The following SYCE2 variants were observed in gnomAD, a reference collection of about 807,000 sequenced individuals.
SYCE2 encodes synaptonemal complex central element protein 2, also known as central element synaptonemal complex 1.
In SYCE2, 3 loss-of-function variants were observed where a neutral mutation model predicts 27.9. The observed-to-expected ratio is 0.11, with a 90% CI of 0.05 to 0.28. The LOEUF is 0.28. Among genes scored for constraint, SYCE2 ranks in the 10% least tolerant of loss-of-function variants. The pLI, the probability that SYCE2 is intolerant of heterozygous loss-of-function variation, is 1.00. For missense variants in SYCE2, 207 were observed against 263.5 expected, an observed-to-expected ratio of 0.79 and a Z score of 1.48; for synonymous variants, 85 against 100.7, an observed-to-expected ratio of 0.84 and a Z score of 0.93.
intron 2 of SYCE2, among the ~76,000 whole-genome samples, chr19:12,910,534 G>A (rs1484218251): frequency 3.3e-5 from 5 of 151,154 alleles, no homozygotes; most frequent in African/African-American, 1.2e-4. Flanking sequence ...CACCACGCCC[G>A]GCTAATTTTT....
intron 3 of SYCE2, among the ~76,000 whole-genome samples, chr19:12,904,272 G>A (rs1392205071): frequency 6.6e-6 from 1 of 152,160 alleles, no homozygotes; most frequent in African/African-American, 2.4e-5. Context: ...GATACAGATG[G>A]TCCCAACTTA....
At chr19:12,909,172 C>G (rs1207257017) in intron 2 of SYCE2, among the ~76,000 whole-genome samples, 1 of 152,182 alleles carries the variant, frequency 6.6e-6, no homozygotes, top group Non-Finnish European at 1.5e-5. Context: ...ATCTTCAGTA[C>G]TTACCCCTCA....
chr19:12,912,694 AGCT>A (rs2145978695), intron 2 of SYCE2, among the ~76,000 whole-genome samples: 1 of 151,956 alleles, frequency 6.6e-6, no homozygotes, highest in African/African-American at 2.4e-5. Flanking sequence ...AACCTGCTTG[AGCT>A]GCTAATGGTT....
chr19:12,904,819 G>T, intron 2 of SYCE2, 153 bp from the exon 3 acceptor site: 2 of 813,620 alleles, frequency 2.5e-6, no homozygotes, highest in Non-Finnish European at 3.8e-6. Flanking sequence ...GCAACATGGT[G>T]AAACCTCGTC....
At chr19:12,911,730 A>G (rs1971050157) in intron 2 of SYCE2, among the ~76,000 whole-genome samples, 1 of 141,424 alleles carries the variant, frequency 7.1e-6, no homozygotes, top group South Asian at 2.2e-4. Flanking sequence ...TGATTTTCCC[A>G]TCTCAGCCTC....
intron 2 of SYCE2, 157 bp from the exon 3 acceptor site, chr19:12,904,823 C>T (rs1387061988): frequency 1.3e-6 from 1 of 788,332 alleles, no homozygotes; most frequent in African/African-American, 1.8e-5. Flanking sequence ...CATGGTGAAA[C>T]CTCGTCTCTA....
intron 3 of SYCE2, 53 bp from the exon 4 acceptor site, chr19:12,900,701 A>T: frequency 1.3e-6 from 2 of 1,518,172 alleles, no homozygotes; most frequent in Non-Finnish European, 9.0e-7. Flanking sequence ...GTATCACAAG[A>T]CATCTGTGTT....
Position 12,900,042 on chromosome 19 carries a change from C to G in SYCE2, c.574G>C (p.Asp192His). The G allele has an allele frequency of 6.2e-7, 1 of 1,613,768 alleles. No homozygotes were observed. The highest frequency in any genetic ancestry group is 8.5e-7 in the Non-Finnish European group (1 of 1,179,998). Residue 192 changes from aspartate to histidine, a missense_variant, in exon 5 of 6, where the codon GAC becomes CAC. By Grantham distance (81) the Asp-to-His change is moderately conservative. Coordinates refer to ENST00000293695, the MANE Select transcript of SYCE2 (RefSeq NM_001105578.2). ...TCAGCCACAGAAGAAACGAACACGT[C>G]TGGGGGCTGTGAGTTGCCGGGACGT... ...PPRPGNSQPP[D>H]VFVSSVAETT...
chr19:12,915,160 T>G (rs1971116048), intron 2 of SYCE2, among the ~76,000 whole-genome samples: 2 of 152,230 alleles, frequency 1.3e-5, no homozygotes, highest in Admixed American at 1.3e-4. Context: ...ATTGAAAAGA[T>G]GAAGTCCAGA....
At chr19:12,912,566 C>T (rs1242248093) in intron 2 of SYCE2, among the ~76,000 whole-genome samples, 1 of 152,164 alleles carries the variant, frequency 6.6e-6, no homozygotes, top group Non-Finnish European at 1.5e-5. Context: ...GCTCCCACAC[C>T]TCCTCGTACC....
At chr19:12,907,437 G>T (rs1351678223) in intron 2 of SYCE2, among the ~76,000 whole-genome samples, 3 of 152,206 alleles carry the variant, frequency 2.0e-5, no homozygotes, top group Non-Finnish European at 4.4e-5. Context: ...TGTGGACAGA[G>T]CAGTTCCTGA....
In SYCE2 at chr19:12,914,478, G is replaced by A. The variant is rs1971101398; in HGVS notation, c.131+3744C>T. ...CCCTCATCCCCTTCCTGTGTCTTAT[G>A]GCACAAGGCACTTCCTCCATCTGCC... On this transcript the variant is annotated intron_variant, in intron 2 of 5. Coordinates refer to ENST00000293695, the MANE Select transcript of SYCE2 (RefSeq NM_001105578.2). 3.9e-5 allele frequency among the ~76,000 whole-genome samples: 6 copies of A among 152,076 alleles called. 1 individual carries two copies. The South Asian group carries it at 1.0e-3, about 26-fold the overall frequency.
At chr19:12,915,225 T>A (rs754432922) in intron 2 of SYCE2, among the ~76,000 whole-genome samples, 2 of 152,122 alleles carry the variant, frequency 1.3e-5, no homozygotes, top group African/African-American at 4.8e-5. Context: ...GTATCTGGCC[T>A]GGAGTGATGA....
chr19:12,905,230 G>C (rs889152286), intron 2 of SYCE2, among the ~76,000 whole-genome samples: 3 of 152,104 alleles, frequency 2.0e-5, no homozygotes, highest in Non-Finnish European at 4.4e-5. Context: ...TATGCCCAAG[G>C]TTCCAGACCA....
At position 12,899,241 on chromosome 19, in the gene SYCE2, T is replaced by G; in HGVS notation, c.*100A>C. 8.9e-7 allele frequency: 1 copy of G among 1,121,470 alleles called. No individual in the cohort carries two copies. The highest frequency in any genetic ancestry group is 1.4e-6 in the Non-Finnish European group (1 of 740,352). 69.5% of individuals were successfully genotyped at this position (1,121,470 alleles called of 1,614,324 possible). On this transcript the variant is annotated 3_prime_UTR_variant, in exon 6 of 6. Transcript: ENST00000293695. Reference sequence around the variant, plus strand: ...TTTTGTTTTTTTCTGCCAAGATGCATTATAGAACCATGAAAAACAATTTCT... The same window carrying G: ...TTTTGTTTTTTTCTGCCAAGATGCAGTATAGAACCATGAAAAACAATTTCT...
intron 2 of SYCE2, among the ~76,000 whole-genome samples, chr19:12,912,388 A>G (rs1236409930): frequency 6.7e-6 from 1 of 148,384 alleles, no homozygotes; most frequent in Non-Finnish European, 1.5e-5. Flanking sequence ...ACCCCCCGCT[A>G]TACCTAGGCC....
chr19:12,900,176 AG>A, intron 4 of SYCE2, 56 bp from the exon 5 acceptor site: 1 of 1,558,228 alleles, frequency 6.4e-7, no homozygotes, highest in Non-Finnish European at 8.7e-7. Context: ...CTGTGGGCAG[AG>A]GGGATGATTT....
chr19:12,901,741 G>A (rs566870752), intron 3 of SYCE2, among the ~76,000 whole-genome samples: 177 of 151,948 alleles, frequency 1.2e-3, no homozygotes, highest in Non-Finnish European at 2.2e-3. Flanking sequence ...TCAGCCTCCC[G>A]AGTAGCTGGG....
chr19:12,910,687 A>AT (rs905229056), intron 2 of SYCE2, among the ~76,000 whole-genome samples: 33 of 144,804 alleles, frequency 2.3e-4, no homozygotes, highest in Middle Eastern at 4.0e-3. Flanking sequence ...ATATATATAT[A>AT]TTTTTTTTGA....
Sources: gnomAD v4.1 joint callset for allele counts (sites outside exome capture counted in the v4.1 genomes callset) on GRCh38, gnomAD v4.1.1 for gene constraint, MANE v1.5 for transcripts, NCBI Gene and HGNC (gene_info 2026-07-23, HGNC 2026-07-21) for gene names.